CDIN1: variants seen among roughly 807,000 people sequenced by gnomAD.
CDIN1 encodes CDAN1-interacting nuclease 1.
In CDIN1, 33 loss-of-function variants were observed where a neutral mutation model predicts 45.3. The observed-to-expected ratio is 0.73, with a 90% CI of 0.55 to 0.97. CDIN1 has a LOEUF of 0.97. CDIN1 is among the 50% of genes least tolerant of loss of function. The pLI is 0.00. For missense variants in CDIN1, 303 were observed against 339.4 expected (o/e 0.89, Z 0.84); for synonymous variants, 118 against 124.4 (o/e 0.95, Z 0.34).
At chr15:36,644,438 C>T in intron 2 of CDIN1, 115 bp downstream of exon 2, 1 of 1,089,604 alleles carries the variant, frequency 9.2e-7, no homozygotes, top group South Asian at 1.6e-5. Flanking sequence ...GGATGTTCTC[C>T]TTTCCACATC....
At chr15:36,616,582 G>C (rs1352145586) in intron 1 of CDIN1, among the ~76,000 whole-genome samples, 1 of 152,112 alleles carries the variant, frequency 6.6e-6, no homozygotes, top group Non-Finnish European at 1.5e-5. Flanking sequence ...TCTGCATAGA[G>C]TAATATCAGC....
intron 10 of CDIN1, among the ~76,000 whole-genome samples, chr15:36,794,018 G>GGA (rs139604969): frequency 2.2e-5 from 3 of 136,970 alleles, no homozygotes; most frequent in East Asian, 2.1e-4. Context: ...TTACTGTGGT[G>GGA]AAAAAAAAAA....
At chr15:36,720,503 C>T (rs991793802) in intron 10 of CDIN1, among the ~76,000 whole-genome samples, 4 of 148,486 alleles carry the variant, frequency 2.7e-5, no homozygotes, top group African/African-American at 9.9e-5. Context: ...GTTCAGTTCC[C>T]ACCTACGGGT....
chr15:36,706,542 G>C lies in CDIN1; in HGVS notation c.545-2681G>C, dbSNP rs560101173. ...GCAGAAGAATCACTTGAACCCAAGA[G>C]ACGAAGGTTGCAGTGAGACGAGATC... On this transcript the variant is annotated intron_variant, in intron 8 of 10. Coordinates refer to ENST00000566621, the MANE Select transcript of CDIN1 (RefSeq NM_001321759.2). 3 of 151,794 alleles carry C rather than the reference G, an allele frequency of 2.0e-5. No homozygotes were observed. In the South Asian group the frequency reaches 6.2e-4, roughly 32 times the overall value. 9.4% of individuals were successfully genotyped at this position (151,794 alleles called of 1,614,324 possible).
chr15:36,585,373 A>G (rs12898393), intron 1 of CDIN1, among the ~76,000 whole-genome samples: 55,498 of 152,032 alleles, frequency 0.37, 10,288 homozygotes, highest in Middle Eastern at 0.46. Context: ...TTTAATTGTA[A>G]TGTCTTAAGT....
intron 5 of CDIN1, 31 bp from the exon 6 acceptor site, chr15:36,691,654 C>G (rs749935892): frequency 1.4e-6 from 2 of 1,420,056 alleles, no homozygotes; most frequent in East Asian, 2.4e-5. Flanking sequence ...TGTTGACTAT[C>G]TGCTAACAGT....
chr15:36,746,443 T>C (rs1042346161), intron 10 of CDIN1, among the ~76,000 whole-genome samples: 3 of 152,160 alleles, frequency 2.0e-5, no homozygotes, highest in African/African-American at 7.2e-5. Context: ...GAAAGAAAGG[T>C]ATTTATGATA....
At chr15:36,754,864 G>T (rs1180779522) in intron 10 of CDIN1, among the ~76,000 whole-genome samples, 1 of 151,942 alleles carries the variant, frequency 6.6e-6, no homozygotes, top group Non-Finnish European at 1.5e-5. Context: ...AAAGTTACAC[G>T]CCTTGAAAGA....
chr15:36,625,841 T>G (rs1371748619), intron 1 of CDIN1, among the ~76,000 whole-genome samples: 1 of 152,166 alleles, frequency 6.6e-6, no homozygotes, highest in Non-Finnish European at 1.5e-5. Context: ...TACCATAGAT[T>G]GGGTAGCTTA....
intron 10 of CDIN1, among the ~76,000 whole-genome samples, chr15:36,761,989 A>G (rs2053777232): frequency 2.6e-5 from 4 of 152,200 alleles, no homozygotes; most frequent in Admixed American, 2.0e-4. Context: ...AACGGTGTTA[A>G]GCTCACAGGC....
chr15:36,756,715 G>C lies in CDIN1; in HGVS notation c.716+46754G>C, dbSNP rs2053617921. On this transcript the variant is annotated intron_variant, in intron 10 of 10. Coordinates refer to ENST00000566621, the MANE Select transcript of CDIN1 (RefSeq NM_001321759.2). The stretch of plus-strand genomic sequence containing the variant: ...GGTGTGCATTTATCGAATTGTTTAT[G>C]ACAAGACTAATTGGGGTAATTGTAG... Among the ~76,000 whole-genome samples, 3 of 152,314 alleles carry C rather than the reference G, an allele frequency of 2.0e-5. No homozygotes were observed. The South Asian group carries it at 6.2e-4, about 32-fold the overall frequency.
intron 5 of CDIN1, among the ~76,000 whole-genome samples, chr15:36,676,267 G>A (rs773521342): frequency 2.0e-5 from 3 of 152,134 alleles, no homozygotes; most frequent in South Asian, 2.1e-4. Flanking sequence ...GTTCTTTCCC[G>A]TTAGATTCGG....
chr15:36,746,122 G>A (rs534434935), intron 10 of CDIN1, among the ~76,000 whole-genome samples: 3 of 152,308 alleles, frequency 2.0e-5, no homozygotes, highest in African/African-American at 7.2e-5. Flanking sequence ...CTCTGGGGCA[G>A]CGCTGATAGT....
chr15:36,598,811 TTTTGTTTGTTTG>T (rs948263743), intron 1 of CDIN1, among the ~76,000 whole-genome samples: 1 of 152,136 alleles, frequency 6.6e-6, no homozygotes, highest in African/African-American at 2.4e-5. Flanking sequence ...TAGTGAGTTT[TTTTGTTTGTTTG>T]TTTGTTTTTT....
intron 5 of CDIN1, among the ~76,000 whole-genome samples, chr15:36,688,421 T>C (rs2042134153): frequency 1.3e-5 from 2 of 152,208 alleles, no homozygotes; most frequent in East Asian, 1.9e-4. Flanking sequence ...CATTGTGCCT[T>C]AGTCCAGGCA....
intron 1 of CDIN1, chr15:36,619,025 A>G (rs1940130234): frequency 2.0e-5 from 28 of 1,414,752 alleles, no homozygotes; most frequent in Non-Finnish European, 2.6e-5. Context: ...CTTCGCTCCA[A>G]TGTAGTGTCT....
intron 10 of CDIN1, among the ~76,000 whole-genome samples, chr15:36,710,640 T>C (rs1211121402): frequency 6.6e-6 from 1 of 152,172 alleles, no homozygotes; most frequent in African/African-American, 2.4e-5. Context: ...AACCCTATTG[T>C]CATTTACAAT....
intron 5 of CDIN1, among the ~76,000 whole-genome samples, chr15:36,660,887 A>T (rs2040984674): frequency 6.6e-6 from 1 of 152,142 alleles, no homozygotes; most frequent in Non-Finnish European, 1.5e-5. Flanking sequence ...TCCAAGTTTT[A>T]TCTGTTCAAT....
At chr15:36,760,153 G>A (rs917759760) in intron 10 of CDIN1, among the ~76,000 whole-genome samples, 3 of 152,122 alleles carry the variant, frequency 2.0e-5, no homozygotes, top group African/African-American at 7.2e-5. Context: ...TATGGCAATA[G>A]AATTTTTTTA....
Sources: allele counts gnomAD v4.1 joint callset (sites outside exome capture counted in the v4.1 genomes callset), GRCh38; gene constraint gnomAD v4.1.1; transcripts MANE v1.5; gene names NCBI Gene and HGNC (gene_info 2026-07-23, HGNC 2026-07-21).